DGKB: variants seen among roughly 807,000 people sequenced by gnomAD.
DGKB encodes diacylglycerol kinase beta, also known as 90 kDa diacylglycerol kinase.
A neutral mutation model predicts 114.3 loss-of-function variants in DGKB; 67 were observed. The observed-to-expected ratio is 0.59, with a 90% CI of 0.48 to 0.72. The LOEUF (loss-of-function observed/expected upper bound fraction) is 0.72, where lower values mean the gene tolerates loss of function less well. DGKB is among the 30% of genes least tolerant of loss of function. The pLI is 0.00. For missense variants in DGKB, 907 were observed against 975.2 expected (o/e 0.93, Z 0.93); for synonymous variants, 398 against 323.1 (o/e 1.23, Z -2.49).
chr7:14,487,736 G>A (rs1784039143), intron 20 of DGKB, among the ~76,000 whole-genome samples: 1 of 151,196 alleles, frequency 6.6e-6, no homozygotes, highest in East Asian at 2.0e-4. Flanking sequence ...CGAGTAAGCT[G>A]GGATTACAGG....
At chr7:14,404,086 G>A (rs1454939844) in intron 21 of DGKB, among the ~76,000 whole-genome samples, 1 of 151,362 alleles carries the variant, frequency 6.6e-6, no homozygotes, top group African/African-American at 2.4e-5. Context: ...TCAGGCCAAA[G>A]GCATGCTTAG....
chr7:14,313,605 T>A (rs1438475136), intron 23 of DGKB, among the ~76,000 whole-genome samples: 2 of 152,190 alleles, frequency 1.3e-5, no homozygotes, highest in African/African-American at 2.4e-5. Flanking sequence ...CACGAGATTA[T>A]ATCCGCACCT....
chr7:14,550,835 C>T (rs868283904), intron 20 of DGKB, among the ~76,000 whole-genome samples: 1 of 152,034 alleles, frequency 6.6e-6, no homozygotes, highest in Admixed American at 6.6e-5. Context: ...ATCACAGTTT[C>T]ACTAAAGAGG....
chr7:14,209,520 T>A lies in DGKB; in HGVS notation c.2123-31369A>T, dbSNP rs757821794. On this transcript the variant is annotated intron_variant, in intron 23 of 25. Coordinates refer to ENST00000402815, the MANE Select transcript of DGKB (RefSeq NM_001350709.2). ...TTTATCCTATATTCAGGAGGTCATA[T>A]GCAGTCTTCAGCTGCACAGAGCTCC... The A allele has an allele frequency of 2.0e-5, 10 of 503,470 alleles. No homozygotes were observed. The East Asian group carries it at 3.5e-4, about 17-fold the overall frequency. 31.2% of individuals were successfully genotyped at this position (503,470 alleles called of 1,614,324 possible).
Position 14,320,211 on chromosome 7 carries a change from G to A in DGKB, c.2122+18304C>T, listed in dbSNP as rs537772802. 3.1e-4 allele frequency among the ~76,000 whole-genome samples: 47 copies of A among 152,166 alleles called. No homozygotes were observed. In the South Asian group the frequency reaches 6.4e-3, roughly 21 times the overall value. On this transcript the variant is annotated intron_variant, in intron 23 of 25. Transcript: ENST00000402815. Reference sequence around the variant, plus strand: ...AACAGACACTCATGCAGCTTTCCTCGCTCTCTGGCCCTACATGTCTGATCC... The same window carrying A: ...AACAGACACTCATGCAGCTTTCCTCACTCTCTGGCCCTACATGTCTGATCC...
intron 2 of DGKB, among the ~76,000 whole-genome samples, chr7:14,791,111 G>A (rs915461708): frequency 2.0e-5 from 3 of 152,070 alleles, no homozygotes; most frequent in South Asian, 4.1e-4. Flanking sequence ...GATTACAGGC[G>A]TGAGTCACTG....
In DGKB at chr7:14,610,703, C is replaced by T. The variant is rs373853374; in HGVS notation, c.1358+2637G>A. 2.0e-4 allele frequency among the ~76,000 whole-genome samples: 31 copies of T among 152,116 alleles called. No homozygotes were observed. In the East Asian group the frequency reaches 3.7e-3, roughly 18 times the overall value. Reference sequence around the variant, plus strand: ...CTCTTTTCCCTGGCACCTGAACCTACTAGTGGACAACTCTGTGCCTTCCTA... The same window carrying T: ...CTCTTTTCCCTGGCACCTGAACCTATTAGTGGACAACTCTGTGCCTTCCTA... On this transcript the variant is annotated intron_variant, in intron 16 of 25. Transcript: ENST00000402815.
At chr7:14,910,609 G>A (rs991018625) in intron 1 of DGKB, among the ~76,000 whole-genome samples, 3 of 151,962 alleles carry the variant, frequency 2.0e-5, no homozygotes, top group Admixed American at 6.6e-5. Context: ...AGATACTCTC[G>A]TTACTTTCAA....
intron 2 of DGKB, among the ~76,000 whole-genome samples, chr7:14,801,019 G>GA (rs1385873744): frequency 2.0e-5 from 3 of 151,942 alleles, no homozygotes; most frequent in Admixed American, 2.0e-4. Flanking sequence ...TAGAAACAAG[G>GA]AAAAAAGGAC....
chr7:14,250,138 T>A (rs550721684), intron 23 of DGKB, among the ~76,000 whole-genome samples: 3,373 of 127,396 alleles, frequency 0.026, 109 homozygotes, highest in African/African-American at 0.1. Context: ...ATATATTTTT[T>A]TTTTTTTTTT....
chr7:14,737,833 G>A (rs1176787108), intron 4 of DGKB, among the ~76,000 whole-genome samples: 1 of 150,874 alleles, frequency 6.6e-6, no homozygotes, highest in Non-Finnish European at 1.5e-5. Context: ...GGTGGAGGTT[G>A]CAGTCAGCTG....
chr7:14,466,726 T>TA (rs1435647239), intron 21 of DGKB, among the ~76,000 whole-genome samples: 1 of 151,388 alleles, frequency 6.6e-6, no homozygotes, highest in African/African-American at 2.4e-5. Flanking sequence ...GCTGAGGCAA[T>TA]AGAATCGCTT....
intron 20 of DGKB, among the ~76,000 whole-genome samples, chr7:14,568,719 A>G (rs544885522): frequency 6.6e-6 from 1 of 152,242 alleles, no homozygotes; most frequent in African/African-American, 2.4e-5. Context: ...CAAAGGGTCT[A>G]TAACAATGAA....
intron 2 of DGKB, among the ~76,000 whole-genome samples, chr7:14,834,642 T>G (rs945764596): frequency 1.3e-5 from 2 of 152,146 alleles, no homozygotes; most frequent in African/African-American, 4.8e-5. Flanking sequence ...ATGAAACCAC[T>G]TGCTGACTCA....
At chr7:14,668,879 A>C (rs982510254) in intron 13 of DGKB, among the ~76,000 whole-genome samples, 2 of 152,138 alleles carry the variant, frequency 1.3e-5, no homozygotes, top group Non-Finnish European at 2.9e-5. Context: ...GGTCACATGA[A>C]GACTGGGCTG....
intron 12 of DGKB, among the ~76,000 whole-genome samples, chr7:14,681,487 G>T (rs1312086110): frequency 6.6e-6 from 1 of 151,706 alleles, no homozygotes; most frequent in Admixed American, 6.6e-5. Flanking sequence ...GCATTTAAGA[G>T]AATTGTTTAA....
At chr7:14,711,204 G>A (rs1585883911) in intron 6 of DGKB, among the ~76,000 whole-genome samples, 1 of 151,980 alleles carries the variant, frequency 6.6e-6, no homozygotes, top group East Asian at 1.9e-4. Context: ...AAGAGTTAAT[G>A]CTCTATAAAT....
At chr7:14,782,685 T>C (rs981599789) in intron 2 of DGKB, among the ~76,000 whole-genome samples, 1 of 152,108 alleles carries the variant, frequency 6.6e-6, no homozygotes, top group African/African-American at 2.4e-5. Context: ...TTGGAGAATG[T>C]CCTTCTGAAG....
At chr7:14,668,725 A>G (rs1474589770) in intron 13 of DGKB, among the ~76,000 whole-genome samples, 2 of 152,066 alleles carry the variant, frequency 1.3e-5, no homozygotes, top group African/African-American at 2.4e-5. Context: ...TATTTCTAAA[A>G]TCTATTACTG....
Sources: gnomAD v4.1 joint callset for allele counts (sites outside exome capture counted in the v4.1 genomes callset) on GRCh38, gnomAD v4.1.1 for gene constraint, MANE v1.5 for transcripts, NCBI Gene and HGNC (gene_info 2026-07-23, HGNC 2026-07-21) for gene names.